TRPM3: variants seen among roughly 807,000 people sequenced by gnomAD.
TRPM3 encodes long transient receptor potential channel 3.
A neutral mutation model predicts 181.2 loss-of-function variants in TRPM3; 77 were observed. The ratio of observed to expected loss-of-function variants is 0.42; its 90% CI spans 0.35 to 0.51. TRPM3 has a LOEUF of 0.51. Ranked by LOEUF, TRPM3 falls within the 20% of genes least tolerant of loss-of-function variation. The pLI is 0.01. For synonymous variants in TRPM3, 745 were observed against 796.4 expected (o/e 0.94, Z 1.09); for missense variants, 1,759 against 2,196.7 (o/e 0.80, Z 3.98).
chr9:70,973,884 C>T (rs1052945692), intron 1 of TRPM3, among the ~76,000 whole-genome samples: 3 of 152,200 alleles, frequency 2.0e-5, no homozygotes, highest in African/African-American at 7.2e-5. Context: ...GATACAACTT[C>T]TTACCAACAG....
intron 1 of TRPM3, among the ~76,000 whole-genome samples, chr9:70,887,237 G>A (rs2096104139): frequency 6.6e-6 from 1 of 152,132 alleles, no homozygotes; most frequent in African/African-American, 2.4e-5. Flanking sequence ...GTTTTATTAA[G>A]CTCAAATTGT....
At chr9:71,410,858 A>T (rs529674518) in intron 1 of TRPM3, among the ~76,000 whole-genome samples, 2 of 152,328 alleles carry the variant, frequency 1.3e-5, no homozygotes, top group African/African-American at 4.8e-5. Flanking sequence ...AATCCTCAAA[A>T]TACTGGCAAA....
intron 1 of TRPM3, among the ~76,000 whole-genome samples, chr9:70,957,115 C>T (rs952652586): frequency 5.9e-5 from 9 of 151,844 alleles, no homozygotes; most frequent in African/African-American, 1.2e-4. Context: ...CACGCGCCAC[C>T]GCACCTGGCT....
chr9:70,574,937 T>C (rs1185717697), intron 22 of TRPM3, among the ~76,000 whole-genome samples: 1 of 148,284 alleles, frequency 6.7e-6, no homozygotes, highest in Non-Finnish European at 1.5e-5. Context: ...TTTTCTTTCT[T>C]TTTTTTTTTT....
chr9:71,092,573 A>T (rs2066411308), intron 1 of TRPM3, among the ~76,000 whole-genome samples: 1 of 152,154 alleles, frequency 6.6e-6, no homozygotes, highest in Non-Finnish European at 1.5e-5. Flanking sequence ...CAACAATAAC[A>T]ATTAGATTTC....
chr9:71,092,606 A>G (rs1056748992), intron 1 of TRPM3, among the ~76,000 whole-genome samples: 12 of 152,164 alleles, frequency 7.9e-5, no homozygotes, highest in Admixed American at 7.9e-4. Context: ...AAGAATAACA[A>G]AGACAGAATA....
intron 1 of TRPM3, among the ~76,000 whole-genome samples, chr9:71,038,260 T>C (rs1161891370): frequency 6.6e-6 from 1 of 152,210 alleles, no homozygotes; most frequent in East Asian, 1.9e-4. Flanking sequence ...TTTGAAGAGA[T>C]CTGAGATGCC....
chr9:70,928,810 A>G (rs1439747341), intron 1 of TRPM3, among the ~76,000 whole-genome samples: 4 of 152,188 alleles, frequency 2.6e-5, no homozygotes, highest in Non-Finnish European at 4.4e-5. Context: ...GGCCTGGCTG[A>G]TCTTGGCCCT....
At chr9:70,669,337 C>T (rs1563921171) in intron 9 of TRPM3, among the ~76,000 whole-genome samples, 1 of 152,194 alleles carries the variant, frequency 6.6e-6, no homozygotes, top group Non-Finnish European at 1.5e-5. Flanking sequence ...CTAGGAATGT[C>T]CTAAGACTTG....
chr9:71,144,152 T>C (rs762608500), intron 1 of TRPM3, among the ~76,000 whole-genome samples: 8 of 152,160 alleles, frequency 5.3e-5, no homozygotes, highest in Non-Finnish European at 8.8e-5. Flanking sequence ...GCCAAAACTA[T>C]GGATAAGAAA....
intron 1 of TRPM3, among the ~76,000 whole-genome samples, chr9:71,133,145 G>T (rs142910219): frequency 1.2e-4 from 18 of 152,022 alleles, no homozygotes; most frequent in African/African-American, 3.4e-4. Flanking sequence ...CCTTATTAGT[G>T]AATCATTGAC....
chr9:70,784,275 G>A lies in TRPM3; in HGVS notation c.978C>T (p.Ile326=), dbSNP rs771160374. Residue 326 remains isoleucine (I), a synonymous_variant, in exon 7 of 26, where the codon ATC becomes ATT. Transcript: ENST00000677713. The part of the protein sequence containing the change: ...HISLQKINTR[I]GQGVPVVALI... ...GTGCCACCACAGGAACACCTTGACC[G>A]ATTCCTGCATTAAAAAAGGAAAAGA... The A allele has an allele frequency of 2.0e-5, 32 of 1,580,086 alleles. No individual in the cohort carries two copies. Among genetic ancestry groups the A allele is most frequent in the African/African-American group, 2.7e-5 (2 of 73,634 alleles).
At chr9:71,379,413 A>G (rs1305444059) in intron 1 of TRPM3, among the ~76,000 whole-genome samples, 2 of 152,020 alleles carry the variant, frequency 1.3e-5, no homozygotes, top group African/African-American at 4.8e-5. Flanking sequence ...ACTGGCATTT[A>G]TTTACATTCA....
chr9:70,963,781 T>G (rs1255572126), intron 1 of TRPM3, among the ~76,000 whole-genome samples: 1 of 151,986 alleles, frequency 6.6e-6, no homozygotes, highest in South Asian at 2.1e-4. Flanking sequence ...ATCTTGAAAG[T>G]GGGTGAATAA....
At chr9:71,437,147 A>T (rs2094054093) in intron 1 of TRPM3, among the ~76,000 whole-genome samples, 1 of 152,300 alleles carries the variant, frequency 6.6e-6, no homozygotes, top group African/African-American at 2.4e-5. Flanking sequence ...TGTCTCAAAC[A>T]TTTATCTTGA....
intron 1 of TRPM3, among the ~76,000 whole-genome samples, chr9:70,870,946 A>AT (rs535997426): frequency 2.6e-5 from 4 of 151,964 alleles, no homozygotes; most frequent in South Asian, 2.1e-4. Flanking sequence ...GTCAGAAAAT[A>AT]TTTTTTTTCA....
chr9:70,940,023 T>C (rs191911123), intron 1 of TRPM3, among the ~76,000 whole-genome samples: 127 of 152,292 alleles, frequency 8.3e-4, no homozygotes, highest in Admixed American at 3.9e-3. Flanking sequence ...TTGGTTCTTG[T>C]TTGGGTGGCT....
intron 1 of TRPM3, among the ~76,000 whole-genome samples, chr9:71,411,131 C>T (rs1282473912): frequency 2.6e-5 from 4 of 152,164 alleles, no homozygotes; most frequent in South Asian, 4.1e-4. Context: ...CTATGACAAA[C>T]CCACAGCCAA....
chr9:71,219,293 G>C (rs2080091244), intron 1 of TRPM3, among the ~76,000 whole-genome samples: 1 of 152,086 alleles, frequency 6.6e-6, no homozygotes, highest in South Asian at 2.1e-4. Context: ...TCACAGATTT[G>C]ACAAGAAACA....
Sources: allele counts gnomAD v4.1 joint callset (sites outside exome capture counted in the v4.1 genomes callset), GRCh38; gene constraint gnomAD v4.1.1; transcripts MANE v1.5; gene names NCBI Gene and HGNC (gene_info 2026-07-23, HGNC 2026-07-21).